Variants in JAKMIP2 observed in about 807,000 individuals in gnomAD.
The protein encoded by JAKMIP2 is janus kinase and microtubule interacting protein 2.
JAKMIP2 carries 25 observed loss-of-function variants against 115.0 expected under a neutral mutation model. The observed-to-expected ratio is 0.22, with a 90% confidence interval of 0.16 to 0.30. JAKMIP2 has a LOEUF of 0.30. JAKMIP2 is among the 10% of genes least tolerant of loss of function. JAKMIP2 has a pLI of 1.00. For synonymous variants in JAKMIP2, 334 were observed against 343.6 expected, an observed-to-expected ratio of 0.97 and a Z score of 0.31; for missense variants, 642 against 957.6, an observed-to-expected ratio of 0.67 and a Z score of 4.35.
intron 1 of JAKMIP2, among the ~76,000 whole-genome samples, chr5:147,693,100 T>C (rs1751948527): frequency 6.6e-6 from 1 of 152,214 alleles, no homozygotes; most frequent in African/African-American, 2.4e-5. Context: ...GTTAGCTCTT[T>C]ATAAATATAA....
intron 1 of JAKMIP2, among the ~76,000 whole-genome samples, chr5:147,689,604 T>C (rs1293347989): frequency 6.6e-6 from 1 of 152,174 alleles, no homozygotes; most frequent in African/African-American, 2.4e-5. Context: ...CAGAGCCACG[T>C]TGATCTGATG....
At chr5:147,592,748 A>G (rs1755159443) in intron 21 of JAKMIP2, among the ~76,000 whole-genome samples, 1 of 152,180 alleles carries the variant, frequency 6.6e-6, no homozygotes, top group African/African-American at 2.4e-5. Flanking sequence ...AGACTTTACT[A>G]TTATTCCAGA....
At chr5:147,700,735 C>A (rs996025761) in intron 1 of JAKMIP2, among the ~76,000 whole-genome samples, 2 of 152,194 alleles carry the variant, frequency 1.3e-5, no homozygotes, top group African/African-American at 4.8e-5. Flanking sequence ...AAAGCAACTG[C>A]TGATCTTCAG....
chr5:147,657,801 C>T (rs558391573), intron 3 of JAKMIP2, among the ~76,000 whole-genome samples: 2 of 151,922 alleles, frequency 1.3e-5, no homozygotes, highest in South Asian at 4.2e-4. Context: ...ATTTGGCTAT[C>T]GATACTTGTG....
At chr5:147,701,076 G>T (rs1752306112) in intron 1 of JAKMIP2, among the ~76,000 whole-genome samples, 1 of 152,060 alleles carries the variant, frequency 6.6e-6, no homozygotes, top group East Asian at 1.9e-4. Flanking sequence ...TGTAAAAAAA[G>T]CTGTAAGGTC....
At position 147,696,537 on chromosome 5, in the gene JAKMIP2, G is replaced by A. The variant is rs191738397; in HGVS notation, c.-148-24583C>T. On this transcript the variant is annotated intron_variant, in intron 1 of 21. Coordinates refer to ENST00000616793, the MANE Select transcript of JAKMIP2 (RefSeq NM_001270941.2). Reference sequence around the variant, plus strand: ...TTCCTTTATAAATTACCCAGTCTTGGGTATTTCTTTACAGCAGTGTGAGAA... The same window carrying A: ...TTCCTTTATAAATTACCCAGTCTTGAGTATTTCTTTACAGCAGTGTGAGAA... 1.1e-3 allele frequency among the ~76,000 whole-genome samples: 174 copies of A among 152,156 alleles called. 1 individual carries two copies. Among genetic ancestry groups the A allele is most frequent in the Non-Finnish European group, 1.9e-3 (129 of 68,010 alleles).
chr5:147,673,211 T>C lies in JAKMIP2; in HGVS notation c.-148-1257A>G, dbSNP rs1034603064. ...AGATGTGTCTTGATTTACAAATTCT[T>C]GAATACTTCATAGGAACAAGGGGCC... On this transcript the variant is annotated intron_variant, in intron 1 of 21. Coordinates refer to ENST00000616793, the MANE Select transcript of JAKMIP2 (RefSeq NM_001270941.2). Among the ~76,000 whole-genome samples, 3 of 152,084 alleles carry C rather than the reference T, an allele frequency of 2.0e-5. No homozygotes were observed. The South Asian group carries it at 6.2e-4, about 32-fold the overall frequency.
At chr5:147,699,263 G>A (rs1331595896) in intron 1 of JAKMIP2, among the ~76,000 whole-genome samples, 2 of 152,194 alleles carry the variant, frequency 1.3e-5, no homozygotes, top group Non-Finnish European at 2.9e-5. Flanking sequence ...GTGTTGACAT[G>A]AGCACAGTTG....
chr5:147,707,104 T>C (rs1179772450), intron 1 of JAKMIP2, among the ~76,000 whole-genome samples: 1 of 152,148 alleles, frequency 6.6e-6, no homozygotes, highest in African/African-American at 2.4e-5. Context: ...TTCTAGGTAC[T>C]GTGTTAAGTC....
intron 1 of JAKMIP2, among the ~76,000 whole-genome samples, chr5:147,758,988 T>C (rs1754839906): frequency 6.6e-6 from 1 of 152,116 alleles, no homozygotes; most frequent in Non-Finnish European, 1.5e-5. Context: ...GAAACCTCTC[T>C]TGTGACCTTC....
At chr5:147,659,742 A>G (rs188378510) in intron 3 of JAKMIP2, among the ~76,000 whole-genome samples, 1 of 152,368 alleles carries the variant, frequency 6.6e-6, no homozygotes, top group Admixed American at 6.5e-5. Flanking sequence ...GGCAGGGCAG[A>G]GACCGATATT....
intron 1 of JAKMIP2, among the ~76,000 whole-genome samples, chr5:147,726,044 C>T (rs892867889): frequency 6.6e-6 from 1 of 152,272 alleles, no homozygotes; most frequent in African/African-American, 2.4e-5. Flanking sequence ...CCTCTCTTAG[C>T]TCCTTGCCTT....
At chr5:147,672,445 C>A (rs558335579) in intron 1 of JAKMIP2, among the ~76,000 whole-genome samples, 130 of 152,304 alleles carry the variant, frequency 8.5e-4, no homozygotes, top group African/African-American at 2.7e-3. Flanking sequence ...AACTGAGTCA[C>A]TCATATATTC....
intron 1 of JAKMIP2, among the ~76,000 whole-genome samples, chr5:147,729,785 A>C (rs944618256): frequency 5.3e-5 from 8 of 152,066 alleles, no homozygotes; most frequent in East Asian, 1.9e-4. Flanking sequence ...AAAAAAAAAA[A>C]AAAAAACTTT....
At chr5:147,617,491 G>A (rs1307499249) in intron 19 of JAKMIP2, among the ~76,000 whole-genome samples, 1 of 152,182 alleles carries the variant, frequency 6.6e-6, no homozygotes, top group Non-Finnish European at 1.5e-5. Flanking sequence ...GGTGATGTTT[G>A]TAATGTGAAC....
rs115124707 is a variant in JAKMIP2 at position 147,588,160 on chromosome 5, A to G, written c.*3547T>C. On this transcript the variant is annotated 3_prime_UTR_variant, in exon 22 of 22. Coordinates refer to ENST00000616793, the MANE Select transcript of JAKMIP2 (RefSeq NM_001270941.2). ...TATGATAGTCAAAGATAGTCTCTCT[A>G]TGTTTTTCCCCTCTTTCATGAAATT... 5.3e-5 allele frequency: 8 copies of G among 152,114 alleles called. No individual in the cohort carries two copies. Among genetic ancestry groups the G allele is most frequent in the Admixed American group, 5.2e-4 (8 of 15,266 alleles). 9.4% of individuals were successfully genotyped at this position (152,114 alleles called of 1,614,324 possible). A position where few individuals can be genotyped will look rare whatever the true frequency, so the allele number is the denominator to read the frequency against.
intron 20 of JAKMIP2, among the ~76,000 whole-genome samples, chr5:147,611,193 G>A (rs957972661): frequency 6.6e-6 from 1 of 152,112 alleles, no homozygotes; most frequent in Non-Finnish European, 1.5e-5. Context: ...GGGAGTGAAC[G>A]GTTGTGTCTT....
At chr5:147,666,882 T>C (rs936618102) in intron 2 of JAKMIP2, among the ~76,000 whole-genome samples, 7 of 152,152 alleles carry the variant, frequency 4.6e-5, no homozygotes, top group Non-Finnish European at 7.3e-5. Context: ...GATTAATAAC[T>C]ATTAATACAT....
intron 16 of JAKMIP2, among the ~76,000 whole-genome samples, chr5:147,625,503 T>C (rs553674572): frequency 3.3e-5 from 5 of 152,336 alleles, no homozygotes; most frequent in African/African-American, 1.2e-4. Context: ...TCATGGGTTT[T>C]GTGTAAATAG....
Sources: gnomAD v4.1 joint callset for allele counts (sites outside exome capture counted in the v4.1 genomes callset) on GRCh38, gnomAD v4.1.1 for gene constraint, MANE v1.5 for transcripts, NCBI Gene and HGNC (gene_info 2026-07-23, HGNC 2026-07-21) for gene names.